Variants in NCAPD3 observed in about 807,000 individuals in gnomAD.
NCAPD3 encodes non-SMC condensin II complex subunit D3, also known as condensin-2 complex subunit D3.
A neutral mutation model predicts 182.9 loss-of-function variants in NCAPD3; 105 were observed. The observed-to-expected ratio is 0.57, with a 90% confidence interval of 0.49 to 0.68. The LOEUF is 0.68. Ranked by LOEUF, NCAPD3 falls within the 30% of genes least tolerant of loss-of-function variation. The probability of loss-of-function intolerance (pLI) is 0.00; values close to 1 mark genes in which losing one functional copy is unlikely to be tolerated. For synonymous variants in NCAPD3, 815 were observed against 679.9 expected (o/e 1.20, Z -3.09); for missense variants, 1,944 against 1,837.0 (o/e 1.06, Z -1.07).
intron 32 of NCAPD3, among the ~76,000 whole-genome samples, chr11:134,155,894 G>A (rs567757884): frequency 6.6e-6 from 1 of 152,146 alleles, no homozygotes; most frequent in African/African-American, 2.4e-5. Context: ...TTCAAAGGGG[G>A]ACCTGGATGA....
intron 27 of NCAPD3, among the ~76,000 whole-genome samples, chr11:134,165,046 C>T (rs1484673373): frequency 6.7e-6 from 1 of 148,710 alleles, no homozygotes; most frequent in Non-Finnish European, 1.5e-5. Context: ...AGGAGCTGCA[C>T]ACACTTAGAT....
At chr11:134,165,974 CAG>C (rs1491513975) in intron 27 of NCAPD3, among the ~76,000 whole-genome samples, 1 of 98,838 alleles carries the variant, frequency 1.0e-5, no homozygotes, top group South Asian at 3.7e-4. Flanking sequence ...GGGGCACACT[CAG>C]TGAGATGAGC....
At chr11:134,209,012 T>C (rs1272376970) in intron 6 of NCAPD3, 61 bp from the exon 7 acceptor site, 2 of 1,469,390 alleles carry the variant, frequency 1.4e-6, no homozygotes, top group Non-Finnish European at 1.9e-6. Context: ...TATTTCTTAG[T>C]CCTACAAGCC....
intron 19 of NCAPD3, among the ~76,000 whole-genome samples, chr11:134,182,361 C>G (rs973527951): frequency 3.3e-5 from 5 of 152,206 alleles, no homozygotes; most frequent in Non-Finnish European, 7.3e-5. Context: ...TTTATAATTT[C>G]CATTCATTGG....
intron 32 of NCAPD3, among the ~76,000 whole-genome samples, chr11:134,155,579 AC>A (rs1943396927): frequency 6.6e-6 from 1 of 152,174 alleles, no homozygotes. Flanking sequence ...TGAACCCTCC[AC>A]GCCAGGCTGC....
intron 24 of NCAPD3, chr11:134,172,976 CAAAAAA>C (rs55712707): frequency 4.1e-5 from 3 of 72,646 alleles, no homozygotes; most frequent in Admixed American, 1.6e-4. Flanking sequence ...GACCCTGTCT[CAAAAAA>C]AAAAAAAAAA....
At chr11:134,198,774 A>G (rs1944688734) in intron 13 of NCAPD3, among the ~76,000 whole-genome samples, 1 of 152,246 alleles carries the variant, frequency 6.6e-6, no homozygotes, top group Non-Finnish European at 1.5e-5. Flanking sequence ...ACAGAAGATC[A>G]ATTATCAAAA....
chr11:134,152,853 G>T lies in NCAPD3; in HGVS notation c.*91C>A. On this transcript the variant is annotated 3_prime_UTR_variant, in exon 35 of 35. Coordinates refer to ENST00000534548, the MANE Select transcript of NCAPD3 (RefSeq NM_015261.3). ...CACAGCAAAGCGCTGCCCAAGGACT[G>T]CGGGAAGTGATCCAGCTGCCTTCAC... The T allele has an allele frequency of 9.5e-7, 1 of 1,048,050 alleles. No individual in the cohort carries two copies. Among genetic ancestry groups the T allele is most frequent in the Non-Finnish European group, 1.4e-6 (1 of 711,730 alleles). The allele number at this position is 1,048,050 out of a possible 1,614,324, so 64.9% of individuals were successfully genotyped here. A position where few individuals can be genotyped will look rare whatever the true frequency, so the allele number is the denominator to read the frequency against.
chr11:134,205,646 G>C (rs1591857215), intron 8 of NCAPD3, among the ~76,000 whole-genome samples: 1 of 152,044 alleles, frequency 6.6e-6, no homozygotes, highest in East Asian at 1.9e-4. Context: ...CAAAGTGCTG[G>C]GATTACAGGC....
At chr11:134,223,157 T>C in intron 1 of NCAPD3, 2 of 497,994 alleles carry the variant, frequency 4.0e-6, no homozygotes, top group Non-Finnish European at 7.2e-6. Flanking sequence ...ATTAAAGGTG[T>C]ACAGGCTTGA....
intron 22 of NCAPD3, chr11:134,177,934 G>C (rs1944209597): frequency 6.7e-6 from 1 of 148,442 alleles, no homozygotes; most frequent in South Asian, 2.1e-4. Flanking sequence ...AGGCTGCTGA[G>C]TTTTGTTTGT....
At position 134,151,946 on chromosome 11, in the gene NCAPD3, G is replaced by A. The variant is rs1943252108; in HGVS notation, c.*998C>T. ...CTCCGCCACCGAGCCCACCTGTGTT[G>A]CGGTTCCCACTTGGGATGGCAGTGG... is the stretch of plus-strand genomic sequence containing the variant. On this transcript the variant is annotated 3_prime_UTR_variant, in exon 35 of 35. Transcript: ENST00000534548. 1 of 152,140 alleles carries A rather than the reference G, an allele frequency of 6.6e-6. No homozygotes were observed. Among genetic ancestry groups the A allele is most frequent in the African/African-American group, 2.4e-5 (1 of 41,434 alleles). 9.4% of individuals were successfully genotyped at this position (152,140 alleles called of 1,614,324 possible). A position where few individuals can be genotyped will look rare whatever the true frequency, so the allele number is the denominator to read the frequency against.
intron 24 of NCAPD3, among the ~76,000 whole-genome samples, chr11:134,174,267 G>A (rs1195482642): frequency 2.0e-5 from 3 of 150,170 alleles, no homozygotes; most frequent in South Asian, 2.1e-4. Context: ...CCTGTAGTCC[G>A]AGTTATCTGG....
upstream of NCAPD3, chr11:134,224,940 C>T: frequency 3.2e-6 from 1 of 315,756 alleles, no homozygotes; most frequent in Middle Eastern, 1.0e-3. Context: ...CGGCCGTGCC[C>T]CTCCCCCGTG....
chr11:134,219,099 C>G (rs748735086), intron 2 of NCAPD3, among the ~76,000 whole-genome samples: 3 of 152,196 alleles, frequency 2.0e-5, no homozygotes, highest in Non-Finnish European at 4.4e-5. Flanking sequence ...CTTACCATCC[C>G]GTTCCACCAC....
chr11:134,225,308 G>A (rs376539523), upstream of NCAPD3: 10 of 1,613,962 alleles, frequency 6.2e-6, no homozygotes, highest in Non-Finnish European at 8.5e-6. Context: ...AGCGGCTGGA[G>A]CACCAGGGCA....
At chr11:134,210,490 T>C (rs1565555911) in intron 3 of NCAPD3, 36 bp from the exon 4 acceptor site, 1 of 1,560,044 alleles carries the variant, frequency 6.4e-7, no homozygotes, top group Non-Finnish European at 8.8e-7. Context: ...CAAGTTAGAT[T>C]TAATTGTCTT....
intron 24 of NCAPD3, among the ~76,000 whole-genome samples, chr11:134,175,438 T>G (rs1944138592): frequency 6.6e-6 from 1 of 152,216 alleles, no homozygotes; most frequent in African/African-American, 2.4e-5. Context: ...GAATGTTAGT[T>G]TTACTGGTTT....
At chr11:134,176,487 A>G in intron 23 of NCAPD3, 101 bp from the exon 24 acceptor site, 1 of 920,634 alleles carries the variant, frequency 1.1e-6, no homozygotes, top group Admixed American at 1.8e-5. Flanking sequence ...TCCCCGGCAC[A>G]CTGGCTGAGT....
Sources: gnomAD v4.1 joint callset for allele counts (sites outside exome capture counted in the v4.1 genomes callset) on GRCh38, gnomAD v4.1.1 for gene constraint, MANE v1.5 for transcripts, NCBI Gene and HGNC (gene_info 2026-07-23, HGNC 2026-07-21) for gene names.